ADARB2: variants seen among roughly 807,000 people sequenced by gnomAD.
The protein encoded by ADARB2 is adenosine deaminase RNA specific B2 (inactive).
A neutral mutation model predicts 62.2 loss-of-function variants in ADARB2; 25 were observed. That is an observed-to-expected ratio of 0.40 (90% confidence interval 0.29 to 0.56). ADARB2 has a LOEUF of 0.56. ADARB2 is among the 20% of genes least tolerant of loss of function. The pLI, the probability that ADARB2 is intolerant of heterozygous loss-of-function variation, is 0.43. For synonymous variants in ADARB2, 572 were observed against 500.8 expected, an observed-to-expected ratio of 1.14 and a Z score of -1.90; for missense variants, 1,071 against 1,077.4, an observed-to-expected ratio of 0.99 and a Z score of 0.08.
At chr10:1,717,553 C>A (rs574179935) in intron 1 of ADARB2, among the ~76,000 whole-genome samples, 62 of 142,450 alleles carry the variant, frequency 4.4e-4, no homozygotes, top group Middle Eastern at 3.6e-3. Context: ...TTCCTTTTTC[C>A]TTCCTTCGTT....
At chr10:1,249,301 G>T (rs950580714) in intron 4 of ADARB2, among the ~76,000 whole-genome samples, 2 of 152,146 alleles carry the variant, frequency 1.3e-5, no homozygotes, top group African/African-American at 2.4e-5. Context: ...AAGTAGCTGG[G>T]TGTGGAGGCG....
chr10:1,269,629 G>A (rs1054184421), intron 4 of ADARB2, among the ~76,000 whole-genome samples: 1 of 152,222 alleles, frequency 6.6e-6, no homozygotes, highest in African/African-American at 2.4e-5. Context: ...CTCTGTGCAG[G>A]TGGGGCTGGA....
At chr10:1,720,007 A>G (rs1345763565) in intron 1 of ADARB2, among the ~76,000 whole-genome samples, 1 of 152,216 alleles carries the variant, frequency 6.6e-6, no homozygotes. Flanking sequence ...TCAACCCAGC[A>G]GTCACATTCC....
At chr10:1,610,658 G>C (rs950556103) in intron 1 of ADARB2, among the ~76,000 whole-genome samples, 7 of 152,070 alleles carry the variant, frequency 4.6e-5, no homozygotes, top group Non-Finnish European at 8.8e-5. Flanking sequence ...TCTCCATCCG[G>C]GGTCTTTTAG....
intron 3 of ADARB2, among the ~76,000 whole-genome samples, chr10:1,305,921 C>A (rs1284577706): frequency 1.3e-5 from 2 of 151,262 alleles, no homozygotes; most frequent in African/African-American, 4.8e-5. Context: ...TAAGAGCTAT[C>A]TATGACAAAC....
In ADARB2 at chr10:1,387,224, TCAAAC is replaced by T. The variant is rs577149125; in HGVS notation, c.101-8069_101-8065del. Among the ~76,000 whole-genome samples the T allele has an allele frequency of 3.6e-4, 54 of 151,772 alleles. 1 individual carries two copies. The South Asian group carries it at 0.011, about 30-fold the overall frequency. On this transcript the variant is annotated intron_variant, in intron 1 of 9. Transcript: ENST00000381312. ...TCAGAAGCTAAAAAAAGAGAGTACA[TCAAAC>T]CAAAGTTGTTAGAGGAAGAAACTAC...
intron 1 of ADARB2, among the ~76,000 whole-genome samples, chr10:1,660,582 C>T (rs966103546): frequency 1.3e-5 from 2 of 152,282 alleles, no homozygotes; most frequent in Middle Eastern, 3.4e-3. Flanking sequence ...ACACGTAAGG[C>T]CCAAGACCCC....
chr10:1,205,947 G>C (rs1025982215), intron 7 of ADARB2, among the ~76,000 whole-genome samples: 1 of 151,462 alleles, frequency 6.6e-6, no homozygotes, highest in African/African-American at 2.4e-5. Context: ...GGGTCAGGTG[G>C]GGTCACGGGG....
At chr10:1,593,793 C>T (rs1297203746) in intron 1 of ADARB2, among the ~76,000 whole-genome samples, 1 of 152,204 alleles carries the variant, frequency 6.6e-6, no homozygotes, top group Non-Finnish European at 1.5e-5. Flanking sequence ...ACCCTTCTCT[C>T]TCTTTTTTCC....
intron 1 of ADARB2, among the ~76,000 whole-genome samples, chr10:1,467,470 T>C (rs1831267470): frequency 1.3e-5 from 2 of 152,150 alleles, no homozygotes; most frequent in African/African-American, 4.8e-5. Flanking sequence ...CCCGAAAGCA[T>C]CTCCAACCGC....
intron 3 of ADARB2, among the ~76,000 whole-genome samples, chr10:1,320,010 C>G (rs1055453135): frequency 6.6e-6 from 1 of 152,238 alleles, no homozygotes; most frequent in Admixed American, 6.5e-5. Flanking sequence ...TATCCTCACC[C>G]TCTACAGCAT....
At chr10:1,489,629 C>T (rs537256701) in intron 1 of ADARB2, among the ~76,000 whole-genome samples, 2 of 152,280 alleles carry the variant, frequency 1.3e-5, no homozygotes, top group East Asian at 1.9e-4. Flanking sequence ...ATGGCAAATG[C>T]TTTTGAGTAA....
chr10:1,405,512 C>T (rs1464716855), intron 1 of ADARB2, among the ~76,000 whole-genome samples: 1 of 151,698 alleles, frequency 6.6e-6, no homozygotes, highest in Non-Finnish European at 1.5e-5. Context: ...GGCCTGTAAT[C>T]CCAGCTACTC....
At chr10:1,434,185 A>G (rs1830807843) in intron 1 of ADARB2, among the ~76,000 whole-genome samples, 1 of 152,216 alleles carries the variant, frequency 6.6e-6, no homozygotes, top group Non-Finnish European at 1.5e-5. Context: ...AAGCTATTAG[A>G]TTCCGAGAAG....
intron 1 of ADARB2, among the ~76,000 whole-genome samples, chr10:1,690,657 C>T (rs140734061): frequency 1.4e-4 from 22 of 152,260 alleles, no homozygotes; most frequent in African/African-American, 5.3e-4. Flanking sequence ...CTTCCTGTCC[C>T]CATGCTCAGT....
chr10:1,278,488 G>A (rs962985667), intron 3 of ADARB2, among the ~76,000 whole-genome samples: 3 of 149,276 alleles, frequency 2.0e-5, no homozygotes, highest in African/African-American at 7.4e-5. Flanking sequence ...GTACTCTTAT[G>A]TTTATCTTCC....
chr10:1,583,303 G>A (rs576799346), intron 1 of ADARB2, among the ~76,000 whole-genome samples: 3 of 152,322 alleles, frequency 2.0e-5, no homozygotes, highest in African/African-American at 4.8e-5. Context: ...TACTGACAGG[G>A]CCCTTAATGC....
chr10:1,454,127 C>T (rs1398285220), intron 1 of ADARB2, among the ~76,000 whole-genome samples: 1 of 152,188 alleles, frequency 6.6e-6, no homozygotes, highest in Non-Finnish European at 1.5e-5. Context: ...AGCAAAGTCA[C>T]ATCTTACATG....
chr10:1,521,253 A>C (rs1832070977), intron 1 of ADARB2, among the ~76,000 whole-genome samples: 1 of 152,186 alleles, frequency 6.6e-6, no homozygotes, highest in Non-Finnish European at 1.5e-5. Flanking sequence ...GGTCCCAGGC[A>C]TCTCGGGTGA....
Sources: gnomAD v4.1 joint callset for allele counts (sites outside exome capture counted in the v4.1 genomes callset) on GRCh38, gnomAD v4.1.1 for gene constraint, MANE v1.5 for transcripts, NCBI Gene and HGNC (gene_info 2026-07-23, HGNC 2026-07-21) for gene names.